The following MTFR1 variants were observed in gnomAD, a reference collection of about 807,000 sequenced individuals.
The protein encoded by MTFR1 is chondrocyte protein with a poly-proline region.
Under a neutral mutation model 38.8 loss-of-function variants are expected in MTFR1, and 28 were observed. That is an observed-to-expected ratio of 0.72 (90% confidence interval 0.53 to 0.99). The LOEUF is 0.99. Ranked by LOEUF, MTFR1 falls within the 50% of genes least tolerant of loss-of-function variation. The pLI, the probability that MTFR1 is intolerant of heterozygous loss-of-function variation, is 0.00. For missense variants in MTFR1, 358 were observed against 395.5 expected (o/e 0.91, Z 0.81); for synonymous variants, 145 against 137.0 (o/e 1.06, Z -0.41).
chr8:65,733,927 T>G (rs1279823266), intron 3 of MTFR1, among the ~76,000 whole-genome samples: 1 of 152,126 alleles, frequency 6.6e-6, no homozygotes, highest in African/African-American at 2.4e-5. Context: ...AGAGATGGGA[T>G]AGGCAGACAT....
At chr8:65,647,681 A>G (rs555047445) in intron 1 of MTFR1, among the ~76,000 whole-genome samples, 2 of 152,246 alleles carry the variant, frequency 1.3e-5, no homozygotes, top group African/African-American at 4.8e-5. Flanking sequence ...CCTGGTGATG[A>G]GTTGGTGATG....
chr8:65,669,837 T>C, intron 1 of MTFR1, 36 bp from the exon 2 acceptor site: 1 of 838,844 alleles, frequency 1.2e-6, no homozygotes, highest in Non-Finnish European at 2.0e-6. Flanking sequence ...TAAATAATAA[T>C]GATTTCATTT....
At chr8:65,665,448 A>G (rs1804354711) in intron 1 of MTFR1, among the ~76,000 whole-genome samples, 1 of 152,126 alleles carries the variant, frequency 6.6e-6, no homozygotes, top group African/African-American at 2.4e-5. Flanking sequence ...TTTTTTAGTA[A>G]TCAATAAATA....
At chr8:65,719,257 C>T in intron 2 of MTFR1, 1 of 1,503,724 alleles carries the variant, frequency 6.7e-7, no homozygotes, top group Admixed American at 1.7e-5. Context: ...CTAAAAACCT[C>T]CAGGAGGCAG....
chr8:65,773,575 T>A (rs1295096240), downstream of MTFR1, among the ~76,000 whole-genome samples: 2 of 152,220 alleles, frequency 1.3e-5, no homozygotes, highest in Non-Finnish European at 2.9e-5. Context: ...GAACCATTTT[T>A]TTGTCATTAA....
the MTFR1 span, among the ~76,000 whole-genome samples, chr8:65,777,546 G>A: frequency 1.3e-5 from 2 of 152,040 alleles, no homozygotes; most frequent in Admixed American, 6.6e-5. Context: ...ATTCATGAGC[G>A]ATTTGGCTGT....
At chr8:65,705,497 A>G (rs1805758096) in intron 5 of MTFR1, among the ~76,000 whole-genome samples, 1 of 152,332 alleles carries the variant, frequency 6.6e-6, no homozygotes, top group African/African-American at 2.4e-5. Context: ...GAATTGCTAT[A>G]TAGTGGATGC....
chr8:65,696,311 GTTTAT>G (rs1434372155), intron 4 of MTFR1, among the ~76,000 whole-genome samples: 3 of 152,238 alleles, frequency 2.0e-5, no homozygotes, highest in South Asian at 2.1e-4. Flanking sequence ...TTTTTAAGAT[GTTTAT>G]TTTATTTAAA....
rs117193037 is a variant in MTFR1, at chr8:65,668,920, T to C, written c.-80-953T>C. Among the ~76,000 whole-genome samples the C allele has an allele frequency of 1.3e-3, 200 of 152,326 alleles. 1 individual carries two copies. Among genetic ancestry groups the C allele is most frequent in the Middle Eastern group, 3.4e-3 (1 of 294 alleles). On this transcript the variant is annotated intron_variant, in intron 1 of 7. Coordinates refer to ENST00000262146, the MANE Select transcript of MTFR1 (RefSeq NM_014637.4). ...ACTTCCAGTAAACTCGTCTATACCA[T>C]ACAAGTTAACATTGTAATTCTGTCA...
Position 65,738,812 on chromosome 8 carries a change from C to G in MTFR1, c.*48+19331C>G, listed in dbSNP as rs1264492328. Among the ~76,000 whole-genome samples the G allele has an allele frequency of 3.9e-5, 6 of 152,232 alleles. No individual in the cohort carries two copies. The East Asian group carries it at 9.6e-4, about 24-fold the overall frequency. On this transcript the variant is annotated intron_variant, in intron 3 of 3. Coordinates refer to the MTFR1 transcript ENST00000521247. ...GAAACCTAACTGCAATATACCTGCT[C>G]TTTTAAAGTTTTAGCCTTCAAAAAT...
intron 1 of MTFR1, among the ~76,000 whole-genome samples, chr8:65,662,515 G>A (rs974751312): frequency 6.7e-6 from 1 of 148,180 alleles, no homozygotes; most frequent in Non-Finnish European, 1.5e-5. Flanking sequence ...CTGCCCGGCC[G>A]CCACCCCGTC....
At chr8:65,689,608 T>C in intron 3 of MTFR1, 1 of 1,271,886 alleles carries the variant, frequency 7.9e-7, no homozygotes, top group Non-Finnish European at 1.0e-6. Flanking sequence ...CAGTAAGTTG[T>C]CCTTTTCTTT....
chr8:65,715,026 C>T (rs1390150769), downstream of MTFR1, among the ~76,000 whole-genome samples: 1 of 152,096 alleles, frequency 6.6e-6, no homozygotes, highest in African/African-American at 2.4e-5. Flanking sequence ...GGACCTTTTA[C>T]TCCTAGAGCA....
rs568975709 is a variant in MTFR1, at chr8:65,686,731, C to T, written c.165+4280C>T. 3.3e-5 allele frequency among the ~76,000 whole-genome samples: 5 copies of T among 151,330 alleles called. 1 individual carries two copies. Among genetic ancestry groups the T allele is most frequent in the African/African-American group, 1.2e-4 (5 of 41,268 alleles). ...TGAGGTCAGGAATTTGCGACCAGCT[C>T]GGCCACTGTGGTGAAACCCCATCTC... On this transcript the variant is annotated intron_variant, in intron 3 of 7. Transcript: ENST00000262146.
intron 2 of MTFR1, among the ~76,000 whole-genome samples, chr8:65,677,660 G>A (rs868387090): frequency 6.6e-6 from 1 of 151,518 alleles, no homozygotes; most frequent in African/African-American, 2.4e-5. Flanking sequence ...GATTACAGGC[G>A]TGAGCCACCA....
intron 2 of MTFR1, chr8:65,719,093 TTGCTGTA>T: frequency 1.7e-6 from 1 of 583,886 alleles, no homozygotes; most frequent in Admixed American, 3.0e-5. Context: ...CAAATTCATA[TTGCTGTA>T]TGTTCGGGTC....
At chr8:65,776,903 G>C in the MTFR1 span, among the ~76,000 whole-genome samples, 1 of 152,106 alleles carries the variant, frequency 6.6e-6, no homozygotes, top group Non-Finnish European at 1.5e-5. Context: ...GAATAGGAAA[G>C]ATGATGAAAG....
intron 1 of MTFR1, among the ~76,000 whole-genome samples, chr8:65,662,777 T>A (rs1260657574): frequency 6.7e-6 from 1 of 148,678 alleles, no homozygotes; most frequent in Non-Finnish European, 1.5e-5. Flanking sequence ...GAGGAGCGTC[T>A]CCGCCCAGCA....
At chr8:65,682,308 C>A in intron 2 of MTFR1, 45 bp from the exon 3 acceptor site, 1 of 985,554 alleles carries the variant, frequency 1.0e-6, no homozygotes, top group South Asian at 1.6e-5. Flanking sequence ...CTTAACAGTT[C>A]TGTACATCTT....
Sources: gnomAD v4.1 joint callset for allele counts (sites outside exome capture counted in the v4.1 genomes callset) on GRCh38, gnomAD v4.1.1 for gene constraint, MANE v1.5 for transcripts, NCBI Gene and HGNC (gene_info 2026-07-23, HGNC 2026-07-21) for gene names.